Variants in CSMD2 observed in about 807,000 individuals in gnomAD.
CSMD2 encodes CUB and sushi domain-containing protein 2.
CSMD2 carries 130 observed loss-of-function variants against 398.5 expected under a neutral mutation model. That is an observed-to-expected ratio of 0.33 (90% CI 0.28 to 0.38). The LOEUF (loss-of-function observed/expected upper bound fraction) is 0.38. CSMD2 is among the 10% of genes least tolerant of loss of function. The pLI is 1.00. For missense variants in CSMD2, 3,829 were observed against 4,764.9 expected (o/e 0.80, Z 5.78); for synonymous variants, 1,828 against 1,908.5 (o/e 0.96, Z 1.10).
intron 2 of CSMD2, among the ~76,000 whole-genome samples, chr1:34,051,474 C>T (rs1044793717): frequency 8.6e-5 from 13 of 151,848 alleles, no homozygotes; most frequent in African/African-American, 2.2e-4. Flanking sequence ...TATAAATATA[C>T]GTAAATATAA....
intron 5 of CSMD2, among the ~76,000 whole-genome samples, chr1:33,888,252 C>A (rs1641733572): frequency 6.6e-6 from 1 of 152,092 alleles, no homozygotes; most frequent in African/African-American, 2.4e-5. Flanking sequence ...TGGGGGAAAT[C>A]TGAAAAATTT....
At chr1:34,115,786 GA>G (rs1229456040) in intron 1 of CSMD2, among the ~76,000 whole-genome samples, 6 of 152,026 alleles carry the variant, frequency 3.9e-5, no homozygotes, top group Non-Finnish European at 7.4e-5. Context: ...TGTAAAAGGT[GA>G]AATTCGTGAT....
intron 70 of CSMD2, among the ~76,000 whole-genome samples, chr1:33,517,850 CA>C (rs1170143049): frequency 6.6e-6 from 1 of 152,094 alleles, no homozygotes; most frequent in Non-Finnish European, 1.5e-5. Flanking sequence ...TAAAGCACGT[CA>C]GGGGCTGGGC....
chr1:33,665,241 TG>T (rs1270224402), intron 25 of CSMD2, among the ~76,000 whole-genome samples: 1 of 152,192 alleles, frequency 6.6e-6, no homozygotes, highest in Non-Finnish European at 1.5e-5. Context: ...TCCTAGTGTC[TG>T]GTGACTTTTT....
intron 27 of CSMD2, among the ~76,000 whole-genome samples, chr1:33,654,809 C>T (rs1004484374): frequency 6.6e-5 from 10 of 152,380 alleles, no homozygotes; most frequent in East Asian, 3.9e-4. Context: ...CCAGCCTCCA[C>T]GTCCCTTTGC....
Position 33,617,498 on chromosome 1 carries a change from C to T in CSMD2, c.5946+1G>A. The T allele has an allele frequency of 1.2e-6, 2 of 1,611,292 alleles. No individual in the cohort carries two copies. Among genetic ancestry groups the T allele is most frequent in the Non-Finnish European group, 1.7e-6 (2 of 1,177,476 alleles). ...CTGCTCTAGGGTGTCAGGGGAGGTACCTGGAGGGCATATCCCGGCTCACAC... is the reference window on the plus strand; with the variant it reads ...CTGCTCTAGGGTGTCAGGGGAGGTATCTGGAGGGCATATCCCGGCTCACAC... On this transcript the variant is annotated splice_donor_variant, in intron 38 of 70. Transcript: ENST00000373381. LOFTEE classifies it high-confidence loss of function.
chr1:33,625,390 G>A, intron 33 of CSMD2, 136 bp from the exon 34 acceptor site: 3 of 770,960 alleles, frequency 3.9e-6, no homozygotes, highest in Non-Finnish European at 6.3e-6. Context: ...GTAGGGAAGG[G>A]CTCGAGGGCT....
intron 3 of CSMD2, among the ~76,000 whole-genome samples, chr1:33,990,450 G>T (rs1429162048): frequency 6.6e-6 from 1 of 152,058 alleles, no homozygotes; most frequent in Non-Finnish European, 1.5e-5. Flanking sequence ...CCCCATTTAA[G>T]GTGATGAGAG....
chr1:33,797,839 C>A (rs1018055497), intron 10 of CSMD2, among the ~76,000 whole-genome samples: 1 of 152,166 alleles, frequency 6.6e-6, no homozygotes. Context: ...ACACGGCTCA[C>A]CCAGCCACCT....
chr1:33,689,630 A>T (rs1201824930), intron 25 of CSMD2, among the ~76,000 whole-genome samples: 1 of 152,154 alleles, frequency 6.6e-6, no homozygotes, highest in Non-Finnish European at 1.5e-5. Flanking sequence ...TGCCAGCCAC[A>T]CCTAGATCTG....
At chr1:33,617,468 G>C in intron 38 of CSMD2, 31 bp downstream of exon 38, 1 of 1,541,556 alleles carries the variant, frequency 6.5e-7, no homozygotes, top group Non-Finnish European at 9.0e-7. Context: ...GGGGACACCT[G>C]TTTCCTGCTC....
At chr1:33,976,437 C>T (rs972684778) in intron 3 of CSMD2, among the ~76,000 whole-genome samples, 11 of 152,152 alleles carry the variant, frequency 7.2e-5, no homozygotes, top group African/African-American at 2.7e-4. Context: ...TCCGCTGGCT[C>T]CAACCCACCA....
intron 64 of CSMD2, among the ~76,000 whole-genome samples, chr1:33,530,454 T>C (rs1429601412): frequency 6.6e-6 from 1 of 152,086 alleles, no homozygotes; most frequent in African/African-American, 2.4e-5. Flanking sequence ...CAAGTGTTGG[T>C]AAGGAGGTGG....
At chr1:33,616,245 GT>G (rs747455900) in intron 39 of CSMD2, among the ~76,000 whole-genome samples, 5 of 146,996 alleles carry the variant, frequency 3.4e-5, no homozygotes, top group Admixed American at 6.8e-5. Context: ...CTTGTCTTTC[GT>G]TTTTTTTTTG....
intron 67 of CSMD2, among the ~76,000 whole-genome samples, chr1:33,522,250 C>T (rs1257942986): frequency 6.6e-6 from 1 of 152,198 alleles, no homozygotes; most frequent in Non-Finnish European, 1.5e-5. Context: ...GCTGTCCCCG[C>T]AAACACACCT....
At chr1:33,849,834 AATTTT>A (rs1638571270) in intron 5 of CSMD2, among the ~76,000 whole-genome samples, 1 of 152,134 alleles carries the variant, frequency 6.6e-6, no homozygotes, top group African/African-American at 2.4e-5. Context: ...AATAAATGGT[AATTTT>A]ATTTTATGTA....
intron 5 of CSMD2, among the ~76,000 whole-genome samples, chr1:33,869,733 G>A (rs574778512): frequency 6.6e-6 from 1 of 152,182 alleles, no homozygotes; most frequent in Non-Finnish European, 1.5e-5. Context: ...TGGCTCATCT[G>A]GCTGGTGGGT....
intron 1 of CSMD2, among the ~76,000 whole-genome samples, chr1:34,117,541 T>A (rs1294751954): frequency 6.6e-6 from 1 of 152,040 alleles, no homozygotes; most frequent in African/African-American, 2.4e-5. Context: ...AAAGGAGAAC[T>A]AACATCAATG....
At chr1:33,657,755 A>G (rs1328537852) in intron 27 of CSMD2, among the ~76,000 whole-genome samples, 191 bp downstream of exon 27, 1 of 152,162 alleles carries the variant, frequency 6.6e-6, no homozygotes, top group Non-Finnish European at 1.5e-5. Flanking sequence ...CTGTGTATAG[A>G]GTGTGAACGT....
Sources: gnomAD v4.1 joint callset for allele counts (sites outside exome capture counted in the v4.1 genomes callset) on GRCh38, gnomAD v4.1.1 for gene constraint, MANE v1.5 for transcripts, NCBI Gene and HGNC (gene_info 2026-07-23, HGNC 2026-07-21) for gene names.